Variants in DLGAP1 observed in about 807,000 individuals in gnomAD.
The protein encoded by DLGAP1 is disks large-associated protein 1.
In DLGAP1, 11 loss-of-function variants were observed where a neutral mutation model predicts 90.8. That is an observed-to-expected ratio of 0.12 (90% confidence interval 0.08 to 0.20). The LOEUF is 0.20. Among genes scored for constraint, DLGAP1 ranks in the 10% least tolerant of loss-of-function variants. DLGAP1 has a pLI of 1.00. For synonymous variants in DLGAP1, 558 were observed against 540.7 expected (o/e 1.03, Z -0.44); for missense variants, 1,050 against 1,333.8 (o/e 0.79, Z 3.31).
chr18:4,124,655 G>A (rs562211232), intron 2 of DLGAP1, among the ~76,000 whole-genome samples: 2 of 152,170 alleles, frequency 1.3e-5, no homozygotes, highest in Non-Finnish European at 2.9e-5. Context: ...TGTTAAAAAT[G>A]ATTCATTCAA....
At chr18:3,953,835 T>C (rs2073034407) in intron 3 of DLGAP1, among the ~76,000 whole-genome samples, 1 of 152,222 alleles carries the variant, frequency 6.6e-6, no homozygotes, top group South Asian at 2.1e-4. Flanking sequence ...TGGCATCTGA[T>C]ATTTCAATCA....
chr18:3,846,203 A>G (rs1169970820), intron 4 of DLGAP1, among the ~76,000 whole-genome samples: 1 of 152,178 alleles, frequency 6.6e-6, no homozygotes, highest in Non-Finnish European at 1.5e-5. Flanking sequence ...CTGCAACCAC[A>G]TCAGCAAGAT....
At chr18:3,705,698 G>T (rs1307688477) in intron 7 of DLGAP1, among the ~76,000 whole-genome samples, 1 of 151,360 alleles carries the variant, frequency 6.6e-6, no homozygotes, top group Non-Finnish European at 1.5e-5. Context: ...TTGCTCTGTT[G>T]CCCAGGCTGG....
At chr18:3,513,209 C>T (rs547213151) in intron 10 of DLGAP1, among the ~76,000 whole-genome samples, 7 of 152,326 alleles carry the variant, frequency 4.6e-5, no homozygotes, top group African/African-American at 1.7e-4. Flanking sequence ...GAATTTCCTT[C>T]TTTTTCAAAG....
intron 1 of DLGAP1, among the ~76,000 whole-genome samples, chr18:4,379,262 A>G (rs564135682): frequency 4.6e-5 from 7 of 152,304 alleles, no homozygotes; most frequent in African/African-American, 1.4e-4. Context: ...AGAAGAGTAG[A>G]GGAGATGGGA....
chr18:3,742,835 T>C (rs1187216850), intron 5 of DLGAP1, among the ~76,000 whole-genome samples: 1 of 152,216 alleles, frequency 6.6e-6, no homozygotes, highest in Non-Finnish European at 1.5e-5. Flanking sequence ...TTGTGTAATT[T>C]GTAAAGCTTT....
At chr18:4,327,789 T>C (rs533449593) in intron 1 of DLGAP1, among the ~76,000 whole-genome samples, 2 of 152,018 alleles carry the variant, frequency 1.3e-5, no homozygotes, top group Non-Finnish European at 2.9e-5. Flanking sequence ...TTTCTGTCAC[T>C]ACAGTTTTTC....
At chr18:3,512,663 T>C (rs1427101996) in intron 10 of DLGAP1, among the ~76,000 whole-genome samples, 2 of 152,234 alleles carry the variant, frequency 1.3e-5, no homozygotes, top group East Asian at 1.9e-4. Context: ...CGCAGGACCC[T>C]GTGAGGCAGA....
intron 1 of DLGAP1, among the ~76,000 whole-genome samples, chr18:4,228,471 C>T: frequency 6.6e-6 from 1 of 151,974 alleles, no homozygotes; most frequent in East Asian, 1.9e-4. Context: ...AATCCAACAA[C>T]ACATTAAAAA....
intron 1 of DLGAP1, among the ~76,000 whole-genome samples, chr18:4,379,407 C>T (rs2082075034): frequency 6.6e-6 from 1 of 152,146 alleles, no homozygotes; most frequent in African/African-American, 2.4e-5. Context: ...GCTAATTTGA[C>T]AGGCTTTCTG....
intron 7 of DLGAP1, among the ~76,000 whole-genome samples, chr18:3,662,694 G>T (rs990794957): frequency 3.9e-5 from 6 of 152,164 alleles, no homozygotes; most frequent in Admixed American, 1.3e-4. Flanking sequence ...TCCAAGAGCC[G>T]CAGAGAATCA....
At chr18:3,728,373 A>G (rs1041300281) in intron 7 of DLGAP1, among the ~76,000 whole-genome samples, 1 of 150,474 alleles carries the variant, frequency 6.6e-6, no homozygotes, top group Non-Finnish European at 1.5e-5. Flanking sequence ...CACGGTATAT[A>G]TATGTTTCAT....
chr18:4,450,908 C>T (rs752482868), intron 1 of DLGAP1, among the ~76,000 whole-genome samples: 2 of 152,200 alleles, frequency 1.3e-5, no homozygotes, highest in Non-Finnish European at 2.9e-5. Context: ...GGGACAATCA[C>T]ATCCCAGCTA....
At chr18:3,523,191 G>T (rs2051326796) in intron 10 of DLGAP1, among the ~76,000 whole-genome samples, 1 of 151,768 alleles carries the variant, frequency 6.6e-6, no homozygotes, top group Non-Finnish European at 1.5e-5. Context: ...TGGCCAACAT[G>T]GTGAAACTCC....
chr18:3,920,617 A>G (rs1289444730), intron 3 of DLGAP1, among the ~76,000 whole-genome samples: 1 of 152,038 alleles, frequency 6.6e-6, no homozygotes. Context: ...ATCTCATTGC[A>G]TTGCATTGCC....
intron 3 of DLGAP1, among the ~76,000 whole-genome samples, chr18:3,886,195 G>T (rs2071308443): frequency 6.6e-6 from 1 of 152,144 alleles, no homozygotes; most frequent in Non-Finnish European, 1.5e-5. Context: ...GAGAACAGGG[G>T]CACTGTGTTC....
At chr18:3,741,029 C>CCACCACCACCATCACCACCAT (rs1568047711) in intron 6 of DLGAP1, among the ~76,000 whole-genome samples, 4 of 88,804 alleles carry the variant, frequency 4.5e-5, no homozygotes, top group South Asian at 3.8e-4. Context: ...ACCACCACCA[C>CCACCACCACCATCACCACCAT]CACCACCATC....
chr18:4,364,494 G>A (rs2081712820), intron 1 of DLGAP1, among the ~76,000 whole-genome samples: 1 of 152,004 alleles, frequency 6.6e-6, no homozygotes, highest in South Asian at 2.1e-4. Context: ...CATAGAATTA[G>A]TTCAGACAAG....
chr18:3,880,034 T>G lies in DLGAP1; in HGVS notation c.35A>C (p.His12Pro), dbSNP rs1159135579. The stretch of plus-strand genomic sequence containing the variant: ...ACAGGCCGAGTCGCAGGTGACCCCG[T>G]GGTGATGGCTGCGGCTGCCTGATAG... ...KGLSGSRSHH[H>P]GVTCDSACDS... Residue 12 changes from histidine (H) to proline (P), a missense_variant, in exon 4 of 13, where the codon CAC becomes CCC. His to Pro is a moderately conservative substitution (Grantham distance 77). Around this residue, in one of 2 missense-constraint regions of DLGAP1, gnomAD observed 485 missense variants for 454.1 expected, o/e 1.07. Coordinates refer to ENST00000315677, the MANE Select transcript of DLGAP1 (RefSeq NM_004746.4). The G allele has an allele frequency of 6.2e-7, 1 of 1,605,424 alleles. No homozygotes were observed. Among genetic ancestry groups the G allele is most frequent in the South Asian group, 1.1e-5 (1 of 90,994 alleles).
Sources: gnomAD v4.1 joint callset for allele counts (sites outside exome capture counted in the v4.1 genomes callset) on GRCh38, gnomAD v4.1.1 for gene constraint, gnomAD v4.1.1 regional missense constraint, MANE v1.5 for transcripts, NCBI Gene and HGNC (gene_info 2026-07-23, HGNC 2026-07-21) for gene names.